RECK: variants seen among roughly 807,000 people sequenced by gnomAD.
RECK encodes reversion-inducing cysteine-rich protein with Kazal motifs.
In RECK, 69 loss-of-function variants were observed where a neutral mutation model predicts 115.1. That is an observed-to-expected ratio of 0.60 (90% CI 0.49 to 0.73). RECK has a LOEUF of 0.73. Ranked by LOEUF, RECK falls within the 30% of genes least tolerant of loss-of-function variation. RECK has a pLI of 0.00. For synonymous variants in RECK, 414 were observed against 419.7 expected (o/e 0.99, Z 0.17); for missense variants, 1,047 against 1,203.7 (o/e 0.87, Z 1.93).
At chr9:36,047,383 C>T (rs962754067) in intron 1 of RECK, among the ~76,000 whole-genome samples, 9 of 152,004 alleles carry the variant, frequency 5.9e-5, no homozygotes, top group Admixed American at 1.3e-4. Context: ...CCAGGGTGGG[C>T]GGATCACTTG....
chr9:36,066,845 TG>T (rs1263653482), intron 6 of RECK: 1 of 1,289,264 alleles, frequency 7.8e-7, no homozygotes, highest in Non-Finnish European at 1.0e-6. Flanking sequence ...TGCCAGTATG[TG>T]TTGATGAAGG....
intron 7 of RECK, among the ~76,000 whole-genome samples, chr9:36,081,022 A>G (rs1438086825): frequency 6.6e-6 from 1 of 152,208 alleles, no homozygotes; most frequent in Non-Finnish European, 1.5e-5. Context: ...AGGATATGAG[A>G]TAGTGTCACT....
intron 20 of RECK, among the ~76,000 whole-genome samples, chr9:36,122,300 A>G (rs10972736): frequency 0.094 from 14,261 of 152,198 alleles, 805 homozygotes; most frequent in East Asian, 0.28. Flanking sequence ...TTTCCTTTTC[A>G]TGTTTCAATG....
chr9:36,119,045 G>T, intron 18 of RECK, 78 bp downstream of exon 18: 1 of 1,350,740 alleles, frequency 7.4e-7, no homozygotes, highest in East Asian at 2.3e-5. Context: ...GAGTCATTGA[G>T]AAGAGAGCTC....
intron 12 of RECK, 24 bp downstream of exon 12, chr9:36,102,254 T>A: frequency 6.4e-7 from 1 of 1,565,290 alleles, no homozygotes; most frequent in Non-Finnish European, 8.7e-7. Flanking sequence ...TGTATGTGTG[T>A]TTTTAGATTT....
Position 36,047,083 on chromosome 9 carries a change from T to A in RECK, c.101-5182T>A, listed in dbSNP as rs1051286718. ...TTTTCTGTTTATTGGGACCATATGTTATCTTGAATTACCTTTGCTTACGAC... is the reference window on the plus strand; with the variant it reads ...TTTTCTGTTTATTGGGACCATATGTAATCTTGAATTACCTTTGCTTACGAC... On this transcript the variant is annotated intron_variant, in intron 1 of 20. Transcript: ENST00000377966. Among the ~76,000 whole-genome samples, 8 of 152,218 alleles carry A rather than the reference T, an allele frequency of 5.3e-5. No homozygotes were observed. In the South Asian group the frequency reaches 1.7e-3, roughly 31 times the overall value.
chr9:36,071,661 T>C (rs775096798), intron 6 of RECK, among the ~76,000 whole-genome samples: 1 of 152,214 alleles, frequency 6.6e-6, no homozygotes, highest in Non-Finnish European at 1.5e-5. Flanking sequence ...TGATGTTATA[T>C]CATTAAGGAA....
At chr9:36,098,960 T>C (rs934462777) in intron 10 of RECK, among the ~76,000 whole-genome samples, 1 of 152,162 alleles carries the variant, frequency 6.6e-6, no homozygotes, top group Non-Finnish European at 1.5e-5. Flanking sequence ...GCATGATGGC[T>C]CACACCTATA....
At chr9:36,048,339 C>A (rs1004239143) in intron 1 of RECK, among the ~76,000 whole-genome samples, 2 of 151,912 alleles carry the variant, frequency 1.3e-5, no homozygotes, top group Non-Finnish European at 2.9e-5. Flanking sequence ...ATCGCTATAG[C>A]CAATTTATGA....
chr9:36,082,768 G>A (rs1198047312), intron 7 of RECK, among the ~76,000 whole-genome samples: 1 of 152,164 alleles, frequency 6.6e-6, no homozygotes, highest in Non-Finnish European at 1.5e-5. Context: ...TGTTCAAACT[G>A]TACAGAACTT....
At chr9:36,095,329 A>T (rs6476526) in intron 10 of RECK, among the ~76,000 whole-genome samples, 3,753 of 152,336 alleles carry the variant, frequency 0.025, 168 homozygotes, top group African/African-American at 0.086. Context: ...ACTATTAGAG[A>T]AATTGAATTT....
At chr9:36,108,604 G>T (rs1163615875) in intron 14 of RECK, among the ~76,000 whole-genome samples, 1 of 152,066 alleles carries the variant, frequency 6.6e-6, no homozygotes, top group Non-Finnish European at 1.5e-5. Context: ...CACAGGCCAA[G>T]GACACAGGTA....
intron 13 of RECK, among the ~76,000 whole-genome samples, chr9:36,106,658 A>G (rs1823833272): frequency 6.6e-6 from 1 of 152,140 alleles, no homozygotes; most frequent in African/African-American, 2.4e-5. Context: ...ATCTTGTCAA[A>G]ATTGGAAATG....
chr9:36,081,378 T>C (rs545849657), intron 7 of RECK, among the ~76,000 whole-genome samples: 6 of 152,194 alleles, frequency 3.9e-5, no homozygotes, highest in Non-Finnish European at 8.8e-5. Flanking sequence ...CATGTAATCT[T>C]ATGTCCTCCC....
At chr9:36,049,139 T>C (rs553675414) in intron 1 of RECK, among the ~76,000 whole-genome samples, 1 of 152,292 alleles carries the variant, frequency 6.6e-6, no homozygotes, top group Admixed American at 6.5e-5. Flanking sequence ...TTCTATGTCC[T>C]CTTATGGAAT....
intron 9 of RECK, among the ~76,000 whole-genome samples, chr9:36,088,882 G>A (rs1180446529): frequency 5.9e-5 from 9 of 152,320 alleles, no homozygotes; most frequent in South Asian, 2.1e-4. Flanking sequence ...TTAGCGGGGC[G>A]TGGTGGCACA....
intron 5 of RECK, among the ~76,000 whole-genome samples, 193 bp downstream of exon 5, chr9:36,064,073 C>T (rs1821893079): frequency 1.3e-5 from 2 of 152,204 alleles, no homozygotes; most frequent in African/African-American, 4.8e-5. Context: ...CATATGGCCT[C>T]AGCCTGCTTT....
At chr9:36,038,177 G>A (rs1820743750) in intron 1 of RECK, among the ~76,000 whole-genome samples, 1 of 151,974 alleles carries the variant, frequency 6.6e-6, no homozygotes, top group African/African-American at 2.4e-5. Context: ...GCCGGGCATG[G>A]TGGTGTATGC....
intron 4 of RECK, among the ~76,000 whole-genome samples, chr9:36,061,465 A>G (rs1352850669): frequency 2.0e-5 from 3 of 150,870 alleles, no homozygotes; most frequent in Non-Finnish European, 4.4e-5. Context: ...AATCTCCCAA[A>G]TAGGATAAAT....
Sources: gnomAD v4.1 joint callset for allele counts (sites outside exome capture counted in the v4.1 genomes callset) on GRCh38, gnomAD v4.1.1 for gene constraint, MANE v1.5 for transcripts, NCBI Gene and HGNC (gene_info 2026-07-23, HGNC 2026-07-21) for gene names.